SLC41A3: variants seen among roughly 807,000 people sequenced by gnomAD.
SLC41A3 encodes the protein SLC41A1-like 2.
In SLC41A3, 44 loss-of-function variants were observed where a neutral mutation model predicts 45.4. The ratio of observed to expected loss-of-function variants is 0.97; its 90% CI spans 0.76 to 1.25. SLC41A3 has a LOEUF of 1.25. SLC41A3 is among the 50% of genes most tolerant of loss of function. SLC41A3 has a pLI of 0.00. For missense variants in SLC41A3, 550 were observed against 600.6 expected (o/e 0.92, Z 0.88); for synonymous variants, 256 against 252.4 (o/e 1.01, Z -0.13).
intron 2 of SLC41A3, 128 bp downstream of exon 2, chr3:126,067,819 G>GAAA: frequency 2.9e-5 from 31 of 1,078,552 alleles, no homozygotes; most frequent in Non-Finnish European, 3.4e-5. Flanking sequence ...CCAATATATA[G>GAAA]AAAAAAAAAA....
chr3:126,091,045 G>A (rs1013754258), intron 1 of SLC41A3, among the ~76,000 whole-genome samples: 8 of 152,250 alleles, frequency 5.3e-5, no homozygotes, highest in Middle Eastern at 3.4e-3. Flanking sequence ...ACCTACAAAG[G>A]CAGGTTGGGG....
upstream of SLC41A3, among the ~76,000 whole-genome samples, chr3:126,085,658 A>C (rs922879518): frequency 1.3e-5 from 2 of 152,334 alleles, no homozygotes; most frequent in Admixed American, 6.5e-5. Flanking sequence ...TTTTTCTCCC[A>C]AAATTAATCT....
intron 3 of SLC41A3, among the ~76,000 whole-genome samples, chr3:126,039,013 C>T (rs1035800729): frequency 8.5e-5 from 13 of 152,206 alleles, no homozygotes; most frequent in African/African-American, 2.4e-4. Context: ...CCTCTCGCTC[C>T]GTCTCTCACC....
chr3:126,052,047 G>A (rs549175173), intron 2 of SLC41A3, among the ~76,000 whole-genome samples: 3 of 152,132 alleles, frequency 2.0e-5, no homozygotes, highest in Non-Finnish European at 4.4e-5. Context: ...ACTCCTTTCT[G>A]CTCTCAGACC....
intron 3 of SLC41A3, among the ~76,000 whole-genome samples, chr3:126,043,988 C>G (rs984122241): frequency 6.6e-6 from 1 of 152,152 alleles, no homozygotes; most frequent in Non-Finnish European, 1.5e-5. Flanking sequence ...AATACAAAAA[C>G]TAGCAGAATG....
intron 3 of SLC41A3, among the ~76,000 whole-genome samples, chr3:126,045,858 CAA>C (rs762792514): frequency 5.9e-5 from 9 of 151,844 alleles, no homozygotes; most frequent in African/African-American, 2.2e-4. Context: ...CAAAAATCTT[CAA>C]AAAATACTAA....
intron 8 of SLC41A3, 99 bp downstream of exon 8, chr3:126,015,395 G>A: frequency 8.3e-7 from 1 of 1,211,122 alleles, no homozygotes; most frequent in Non-Finnish European, 1.2e-6. Context: ...TGCCTGTGCG[G>A]GGCTGGTGCT....
At chr3:126,011,137 C>T (rs1407022908) in intron 9 of SLC41A3, among the ~76,000 whole-genome samples, 1 of 152,098 alleles carries the variant, frequency 6.6e-6, no homozygotes, top group East Asian at 1.9e-4. Flanking sequence ...TCTAATGAAG[C>T]CACTACAACA....
At chr3:126,032,778 A>AGAAT (rs1461966792) in intron 4 of SLC41A3, among the ~76,000 whole-genome samples, 1 of 152,126 alleles carries the variant, frequency 6.6e-6, no homozygotes, top group Non-Finnish European at 1.5e-5. Flanking sequence ...GTATCATTCT[A>AGAAT]ATGTGATGGA....
Position 126,026,402 on chromosome 3 carries a change from A to C in SLC41A3, c.531T>G (p.Asp177Glu). 1 of 1,592,614 alleles carries C rather than the reference A, an allele frequency of 6.3e-7. No homozygotes were observed. The highest frequency in any genetic ancestry group is 8.6e-7 in the Non-Finnish European group (1 of 1,169,042). The change falls in exon 5 of 11, where the codon GAT becomes GAG. Residue 177 changes from aspartate (D) to glutamate (E), a missense_variant. Physicochemically the swap from Asp to Glu is conservative, Grantham distance 45 (BLOSUM62 2). Coordinates refer to ENST00000360370, the MANE Select transcript of SLC41A3 (RefSeq NM_017836.4). This position sits in a 1 kb window ranked among gnomAD's most constrained non-coding sequence, Gnocchi z 4.2. ...CACACAGCAACTCCACCTTGGCGAC[A>C]TCCACTTCCTCTCGAGACACCACGC... is the stretch of plus-strand genomic sequence containing the variant. ...LLGVVSREEV[D>E]VAKVELLCAS...
At chr3:126,060,477 A>T (rs1944005486) in intron 2 of SLC41A3, among the ~76,000 whole-genome samples, 1 of 76,296 alleles carries the variant, frequency 1.3e-5, no homozygotes, top group Non-Finnish European at 3.0e-5. Context: ...TGCACAGTGA[A>T]ACGTTCAGAA....
rs913540250 is a variant in SLC41A3, at chr3:126,026,834, G to A, written c.454-355C>T. The stretch of plus-strand genomic sequence containing the variant: ...TGAGCAGAAGTCCTCTGCAACTCCC[G>A]GCAGTGCAGACAACACACCTCACTT... On this transcript the variant is annotated intron_variant, in intron 4 of 10. Transcript: ENST00000360370. This position sits in a 1 kb window ranked among gnomAD's most constrained non-coding sequence, Gnocchi z 4.2. Among the ~76,000 whole-genome samples, 4 of 152,114 alleles carry A rather than the reference G, an allele frequency of 2.6e-5. No homozygotes were observed. The highest frequency in any genetic ancestry group is 9.7e-5 in the African/African-American group (4 of 41,422).
At chr3:126,095,264 T>C in intron 1 of SLC41A3, 3 of 684,224 alleles carry the variant, frequency 4.4e-6, no homozygotes, top group Non-Finnish European at 8.0e-6. Context: ...AAGGAAGAGA[T>C]TCCAGGAGGA....
chr3:126,006,359 A>C lies in SLC41A3; in HGVS notation c.*657T>G. 6.4e-7 allele frequency: 1 copy of C among 1,558,634 alleles called. No individual in the cohort carries two copies. Among genetic ancestry groups the C allele is most frequent in the Non-Finnish European group, 8.7e-7 (1 of 1,144,346 alleles). On this transcript the variant is annotated 3_prime_UTR_variant, in exon 11 of 11. Coordinates refer to ENST00000360370, the MANE Select transcript of SLC41A3 (RefSeq NM_017836.4). ...ACTATCTTTAAAGACATAAAGGGTC[A>C]AGTACAATATAATCTGTTTTATTTT...
intron 2 of SLC41A3, among the ~76,000 whole-genome samples, chr3:126,057,611 G>A (rs941383195): frequency 3.9e-5 from 6 of 152,124 alleles, no homozygotes; most frequent in East Asian, 1.9e-4. Flanking sequence ...TGGTTCTCCC[G>A]TCGGACTATC....
In SLC41A3 at chr3:126,019,239, T is replaced by C. The variant is rs543703059; in HGVS notation, c.746-2364A>G. Among the ~76,000 whole-genome samples the C allele has an allele frequency of 1.2e-3, 176 of 152,250 alleles. 1 individual carries two copies. Among genetic ancestry groups the C allele is most frequent in the Admixed American group, 4.2e-3 (64 of 15,292 alleles). On this transcript the variant is annotated intron_variant, in intron 6 of 10. Coordinates refer to ENST00000360370, the MANE Select transcript of SLC41A3 (RefSeq NM_017836.4). ...TTTAAAGCCACCAGTCCCACTCCCA[T>C]GGTAACTCATTAATCCAATTAAGCC...
At chr3:126,098,333 T>A (rs1356913373) in intron 1 of SLC41A3, among the ~76,000 whole-genome samples, 1 of 152,186 alleles carries the variant, frequency 6.6e-6, no homozygotes, top group Non-Finnish European at 1.5e-5. Flanking sequence ...AAGGTTACCA[T>A]CTGCAAGACA....
chr3:126,064,033 C>T lies in SLC41A3; in HGVS notation c.273+3914G>A, dbSNP rs1174250438. ...TCCTGGACAAGAGCACCACATGGTA[C>T]TCTCCCTCCTGGCCAAGGGTCTGTG... is the stretch of plus-strand genomic sequence containing the variant. On this transcript the variant is annotated intron_variant, in intron 2 of 10. Transcript: ENST00000360370. 2.6e-5 allele frequency among the ~76,000 whole-genome samples: 4 copies of T among 151,220 alleles called. No homozygotes were observed. In the Admixed American group the frequency reaches 2.6e-4, roughly 10 times the overall value.
intron 3 of SLC41A3, among the ~76,000 whole-genome samples, chr3:126,043,803 CA>C (rs200112216): frequency 2.3e-5 from 2 of 86,026 alleles, no homozygotes; most frequent in African/African-American, 3.7e-5. Context: ...CATATCACTG[CA>C]AAAAAAAACA....
Sources: gnomAD v4.1 joint callset for allele counts (sites outside exome capture counted in the v4.1 genomes callset) on GRCh38, gnomAD v4.1.1 for gene constraint, Gnocchi (gnomAD v3.1) non-coding constraint, MANE v1.5 for transcripts, NCBI Gene and HGNC (gene_info 2026-07-23, HGNC 2026-07-21) for gene names.